SLC9C1: variants seen among roughly 807,000 people sequenced by gnomAD.
SLC9C1 encodes the protein sodium/hydrogen exchanger 10.
Under a neutral mutation model 140.9 loss-of-function variants are expected in SLC9C1, and 97 were observed. The observed-to-expected ratio is 0.69, with a 90% CI of 0.58 to 0.82. The LOEUF is 0.82. SLC9C1 is among the 40% of genes least tolerant of loss of function. The probability of loss-of-function intolerance (pLI) is 0.00; values close to 1 mark genes in which losing one functional copy is unlikely to be tolerated. For synonymous variants in SLC9C1, 440 were observed against 442.6 expected (o/e 0.99, Z 0.07); for missense variants, 1,340 against 1,389.3 (o/e 0.96, Z 0.56).
At chr3:112,251,090 A>G (rs1251991230) in intron 10 of SLC9C1, among the ~76,000 whole-genome samples, 1 of 152,194 alleles carries the variant, frequency 6.6e-6, no homozygotes, top group Non-Finnish European at 1.5e-5. Flanking sequence ...ACTGACCAAG[A>G]TGGCTGGCTA....
chr3:112,283,851 A>AAAAG (rs1158572056), intron 2 of SLC9C1, among the ~76,000 whole-genome samples: 2 of 151,848 alleles, frequency 1.3e-5, no homozygotes, highest in African/African-American at 4.8e-5. Flanking sequence ...TGCAAAAAAA[A>AAAAG]AAAAAAAAAG....
At chr3:112,219,476 T>C (rs1280660756) in intron 14 of SLC9C1, among the ~76,000 whole-genome samples, 1 of 152,228 alleles carries the variant, frequency 6.6e-6, no homozygotes, top group African/African-American at 2.4e-5. Context: ...AAATGTAATA[T>C]ATTCCAAAGT....
chr3:112,257,529 C>A (rs1173956002), intron 10 of SLC9C1, among the ~76,000 whole-genome samples: 1 of 152,130 alleles, frequency 6.6e-6, no homozygotes, highest in Non-Finnish European at 1.5e-5. Context: ...CCCTTCGTTA[C>A]ACTACATAAG....
intron 27 of SLC9C1, among the ~76,000 whole-genome samples, chr3:112,153,567 TA>T (rs1308623060): frequency 6.6e-6 from 1 of 152,210 alleles, no homozygotes; most frequent in Non-Finnish European, 1.5e-5. Flanking sequence ...TTTGGAGAAA[TA>T]GTTTCCTGTA....
At chr3:112,230,457 G>T (rs12634742) in intron 13 of SLC9C1, among the ~76,000 whole-genome samples, 89,957 of 152,018 alleles carry the variant, frequency 0.59, 27,134 homozygotes, top group East Asian at 0.79. Flanking sequence ...TAGGACAAGT[G>T]GAAAATCTGC....
rs759540511 is a variant in SLC9C1, at chr3:112,263,063, G to C, written c.1058C>G (p.Ser353Cys). ...LTLLLISPVL[S>C]RVGHEFSWRW... ...CCAACTGAACTCATGACCAACTCGA[G>C]ACAAAACAGGGCTTATTAAAAGAAG... Residue 353 changes from serine to cysteine, a missense_variant, in exon 10 of 29, where the codon TCT (serine) becomes TGT (cysteine). Transcript: ENST00000305815. 3.8e-6 allele frequency: 6 copies of C among 1,590,876 alleles called. No individual in the cohort carries two copies. The highest frequency in any genetic ancestry group is 5.1e-6 in the Non-Finnish European group (6 of 1,171,528).
intron 20 of SLC9C1, among the ~76,000 whole-genome samples, chr3:112,197,574 A>G (rs1014687503): frequency 6.6e-6 from 1 of 152,108 alleles, no homozygotes; most frequent in Non-Finnish European, 1.5e-5. Context: ...AAATTAACCA[A>G]AATTTATCAT....
rs940981710 is a variant in SLC9C1 at position 112,286,015 on chromosome 3, C to T, written c.88+689G>A. On this transcript the variant is annotated intron_variant, in intron 2 of 28. Coordinates refer to ENST00000305815, the MANE Select transcript of SLC9C1 (RefSeq NM_183061.3). Reference sequence around the variant, plus strand: ...CTGGACTCAAGTGATCTGCCCATCTCAGCCTCCCAAAGTGTTAGTATTACA... The same window carrying T: ...CTGGACTCAAGTGATCTGCCCATCTTAGCCTCCCAAAGTGTTAGTATTACA... Among the ~76,000 whole-genome samples, 34 of 152,300 alleles carry T rather than the reference C, an allele frequency of 2.2e-4. 1 individual carries two copies. The highest frequency in any genetic ancestry group is 6.5e-4 in the African/African-American group (27 of 41,564).
At chr3:112,149,849 G>A (rs1021816307) in intron 28 of SLC9C1, among the ~76,000 whole-genome samples, 2 of 151,974 alleles carry the variant, frequency 1.3e-5, no homozygotes, top group African/African-American at 2.4e-5. Flanking sequence ...GGATGGCTTA[G>A]GGTGCTGAAC....
chr3:112,161,789 T>G (rs2075308018), intron 26 of SLC9C1, among the ~76,000 whole-genome samples: 1 of 151,662 alleles, frequency 6.6e-6, no homozygotes, highest in Non-Finnish European at 1.5e-5. Flanking sequence ...TTAAAGTAGT[T>G]TTTCCAATTC....
chr3:112,285,442 T>C (rs1361758873), intron 2 of SLC9C1, among the ~76,000 whole-genome samples: 1 of 152,192 alleles, frequency 6.6e-6, no homozygotes, highest in Non-Finnish European at 1.5e-5. Flanking sequence ...GACTTTGCCA[T>C]GTTACCCAGG....
At position 112,151,946 on chromosome 3, in the gene SLC9C1, G is replaced by T. The variant is rs549677947; in HGVS notation, c.3435C>A (p.Ala1145=). The change falls in exon 28 of 29, where the codon GCC becomes GCA. Residue 1145 remains alanine (A), a synonymous_variant. Coordinates refer to ENST00000305815, the MANE Select transcript of SLC9C1 (RefSeq NM_183061.3). ...RNVKEDGAHS[A]ATARSPQPCS... is the part of the protein sequence containing the mutation. ...AAGGCTGGGGACTCCTGGCAGTGGC[G>T]GCACTGTGTGCTCCATCCTGGGATT... The T allele has an allele frequency of 6.3e-7, 1 of 1,597,948 alleles. No individual in the cohort carries two copies. Among genetic ancestry groups the T allele is most frequent in the Non-Finnish European group, 8.5e-7 (1 of 1,175,664 alleles).
intron 1 of SLC9C1, among the ~76,000 whole-genome samples, chr3:112,293,215 G>T (rs1177147315): frequency 1.3e-5 from 2 of 151,896 alleles, no homozygotes; most frequent in African/African-American, 4.8e-5. Flanking sequence ...GGCAGAGATT[G>T]CAGTGAGCCT....
chr3:112,261,247 A>G (rs2079763308), intron 10 of SLC9C1, among the ~76,000 whole-genome samples: 1 of 152,146 alleles, frequency 6.6e-6, no homozygotes, highest in South Asian at 2.1e-4. Context: ...AGTAAAGACT[A>G]GAATTCCACA....
At chr3:112,162,395 T>C (rs2075328831) in intron 26 of SLC9C1, among the ~76,000 whole-genome samples, 1 of 152,114 alleles carries the variant, frequency 6.6e-6, no homozygotes, top group Non-Finnish European at 1.5e-5. Flanking sequence ...CAGTATGATA[T>C]TGGCTGTGGG....
At chr3:112,149,846 T>G (rs2074907384) in intron 28 of SLC9C1, among the ~76,000 whole-genome samples, 1 of 151,880 alleles carries the variant, frequency 6.6e-6, no homozygotes, top group Non-Finnish European at 1.5e-5. Flanking sequence ...GTGGGATGGC[T>G]TAGGGTGCTG....
At chr3:112,179,425 G>T in intron 23 of SLC9C1, 106 bp downstream of exon 23, 1 of 1,272,540 alleles carries the variant, frequency 7.9e-7, no homozygotes, top group South Asian at 1.6e-5. Context: ...GTTTTTAAAA[G>T]TAAATTGTCA....
chr3:112,273,134 G>A (rs532938686), intron 6 of SLC9C1, among the ~76,000 whole-genome samples: 1 of 152,138 alleles, frequency 6.6e-6, no homozygotes, highest in East Asian at 1.9e-4. Context: ...AGGTTTTTTA[G>A]TTCCCCCAAG....
intron 8 of SLC9C1, among the ~76,000 whole-genome samples, chr3:112,265,868 A>G (rs924617037): frequency 1.3e-5 from 2 of 152,110 alleles, no homozygotes; most frequent in African/African-American, 4.8e-5. Flanking sequence ...GTTCAACTTA[A>G]TTAAACTTAA....
Sources: gnomAD v4.1 joint callset for allele counts (sites outside exome capture counted in the v4.1 genomes callset) on GRCh38, gnomAD v4.1.1 for gene constraint, MANE v1.5 for transcripts, NCBI Gene and HGNC (gene_info 2026-07-23, HGNC 2026-07-21) for gene names.